RFPL4B: variants seen among roughly 807,000 people sequenced by gnomAD.
RFPL4B encodes ret finger protein-like 4B.
For synonymous variants in RFPL4B, 118 were observed against 126.3 expected, an observed-to-expected ratio of 0.93 and a Z score of 0.44; for missense variants, 314 against 327.7, an observed-to-expected ratio of 0.96 and a Z score of 0.32.
Position 112,349,789 on chromosome 6 carries a change from A to T in RFPL4B, c.81A>T (p.Thr27=). ...FFSCSISLSC[T]HVFCFDCIQR... ...CCTGTTCCATTTCTCTCTCTTGTAC[A>T]CACGTGTTCTGCTTTGATTGCATCC... Residue 27 remains threonine, a synonymous_variant, in exon 3 of 3, where the codon ACA becomes ACT. Coordinates refer to ENST00000441065, the MANE Select transcript of RFPL4B (RefSeq NM_001013734.3). 6.2e-7 allele frequency: 1 copy of T among 1,614,028 alleles called. No individual in the cohort carries two copies. Among genetic ancestry groups the T allele is most frequent in the Non-Finnish European group, 8.5e-7 (1 of 1,179,986 alleles).
At position 112,350,807 on chromosome 6, in the gene RFPL4B, G is replaced by A. The variant is rs1397045181; in HGVS notation, c.*307G>A. 3.4e-5 allele frequency: 9 copies of A among 265,412 alleles called. No homozygotes were observed. The highest frequency in any genetic ancestry group is 7.7e-6 in the Non-Finnish European group (1 of 130,282). 16.4% of individuals were successfully genotyped at this position (265,412 alleles called of 1,614,324 possible). A position where few individuals can be genotyped will look rare whatever the true frequency, so the allele number is the denominator to read the frequency against. ...CTGTGGTAATTAGAGACAATACTAT[G>A]CCTTTGTCTTATAGTAAATAACAAA... On this transcript the variant is annotated 3_prime_UTR_variant, in exon 3 of 3. Transcript: ENST00000441065.
intron 1 of RFPL4B, among the ~76,000 whole-genome samples, 195 bp downstream of exon 1, chr6:112,347,602 T>G (rs1789097776): frequency 1.3e-5 from 2 of 152,266 alleles, no homozygotes; most frequent in Admixed American, 1.3e-4. Context: ...AGGTCACTCT[T>G]TGCATGAACT....
In RFPL4B at chr6:112,350,029, C is replaced by G. The variant is rs759491920; in HGVS notation, c.321C>G (p.Leu107=). Residue 107 remains leucine (L), a synonymous_variant, in exon 3 of 3, where the codon CTC becomes CTG. Coordinates refer to ENST00000441065, the MANE Select transcript of RFPL4B (RefSeq NM_001013734.3). ...VTLDAATASS[L]LVFSNDLRSA... ...TGGATGCAGCCACTGCCAGCTCCCTCCTTGTCTTCTCCAATGATCTAAGAA... is the reference window on the plus strand; with the variant it reads ...TGGATGCAGCCACTGCCAGCTCCCTGCTTGTCTTCTCCAATGATCTAAGAA... The G allele has an allele frequency of 6.2e-7, 1 of 1,614,202 alleles. No homozygotes were observed. Among genetic ancestry groups the G allele is most frequent in the East Asian group, 2.2e-5 (1 of 44,886 alleles).
Position 112,350,231 on chromosome 6 carries a change from T to C in RFPL4B, c.523T>C (p.Phe175Leu), listed in dbSNP as rs761548985. ...EPADRKSNDL[F>L]PEHGFWISMK... ...GGCTGACAGAAAGAGCAATGATTTA[T>C]TCCCTGAGCATGGCTTCTGGATCAG... is the stretch of plus-strand genomic sequence containing the variant. Residue 175 changes from phenylalanine (F) to leucine (L), a missense_variant, in exon 3 of 3, where the codon TTC (phenylalanine) becomes CTC (leucine). By Grantham distance (22) the Phe-to-Leu change is conservative (BLOSUM62 0). Coordinates refer to ENST00000441065, the MANE Select transcript of RFPL4B (RefSeq NM_001013734.3). 6 of 1,614,080 alleles carry C rather than the reference T, an allele frequency of 3.7e-6. No individual in the cohort carries two copies. In the African/African-American group the frequency reaches 6.7e-5, roughly 18 times the overall value.
chr6:112,350,756 C>G lies in RFPL4B; in HGVS notation c.*256C>G, dbSNP rs1028759768. The stretch of plus-strand genomic sequence containing the variant: ...GCTTCAGTTTTCTAGTCTGTAGATG[C>G]GGATAATTGTATCTCAGTCAAACAG... On this transcript the variant is annotated 3_prime_UTR_variant, in exon 3 of 3. Coordinates refer to ENST00000441065, the MANE Select transcript of RFPL4B (RefSeq NM_001013734.3). 2.6e-6 allele frequency: 1 copy of G among 379,728 alleles called. No individual in the cohort carries two copies. Among genetic ancestry groups the G allele is most frequent in the African/African-American group, 2.1e-5 (1 of 48,590 alleles). The allele number at this position is 379,728 out of a possible 1,614,324, so 23.5% of individuals were successfully genotyped here. A position where few individuals can be genotyped will look rare whatever the true frequency, so the allele number is the denominator to read the frequency against.
rs1315204871 is a variant in RFPL4B at position 112,349,871 on chromosome 6, G to T, written c.163G>T (p.Val55Leu). ...AGCGATGTGCCCCTTGTGTCGAGAC[G>T]TGGTGAAGGTACCTGCTTTGGAAGA... The part of the protein sequence containing the change: ...FRAMCPLCRD[V>L]VKVPALEEWQ... Residue 55 changes from valine to leucine, a missense_variant, in exon 3 of 3, where the codon GTG becomes TTG. By Grantham distance (32) the Val-to-Leu change is conservative (BLOSUM62 1). Transcript: ENST00000441065. 1 of 1,614,120 alleles carries T rather than the reference G, an allele frequency of 6.2e-7. No homozygotes were observed. The highest frequency in any genetic ancestry group is 8.5e-7 in the Non-Finnish European group (1 of 1,179,996).
In RFPL4B at chr6:112,350,200, G is replaced by A. The variant is rs1360674479; in HGVS notation, c.492G>A (p.Lys164=). 1 of 1,614,224 alleles carries A rather than the reference G, an allele frequency of 6.2e-7. No individual in the cohort carries two copies. The highest frequency in any genetic ancestry group is 1.7e-5 in the Admixed American group (1 of 60,026). The change falls in exon 3 of 3, where the codon AAG becomes AAA. Residue 164 remains lysine, a synonymous_variant. Coordinates refer to ENST00000441065, the MANE Select transcript of RFPL4B (RefSeq NM_001013734.3). ...AGTCATGGTCCCTGGGCGTCTGCAA[G>A]GAGCCGGCTGACAGAAAGAGCAATG... ...EVKSWSLGVC[K]EPADRKSNDL... is the part of the protein sequence containing the mutation.
At position 112,349,330 on chromosome 6, in the gene RFPL4B, C is replaced by T. The variant is rs1459611990; in HGVS notation, c.-106+9C>T. The T allele has an allele frequency of 6.6e-6, 1 of 152,590 alleles. No individual in the cohort carries two copies. The highest frequency in any genetic ancestry group is 1.5e-5 in the Non-Finnish European group (1 of 68,378). 9.5% of individuals were successfully genotyped at this position (152,590 alleles called of 1,614,324 possible). A position where few individuals can be genotyped will look rare whatever the true frequency, so the allele number is the denominator to read the frequency against. Reference sequence around the variant, plus strand: ...GGAAGTCTTCAGACTAGGTAAGCTGCACTGTCTGAAAAGAAAGTTTCCACT... The same window carrying T: ...GGAAGTCTTCAGACTAGGTAAGCTGTACTGTCTGAAAAGAAAGTTTCCACT... On this transcript the variant is annotated intron_variant, in intron 2 of 2. Transcript: ENST00000441065.
intron 1 of RFPL4B, among the ~76,000 whole-genome samples, chr6:112,347,799 C>A (rs1412375517): frequency 6.6e-6 from 1 of 152,146 alleles, no homozygotes; most frequent in Admixed American, 6.5e-5. Context: ...CATGGTGAAA[C>A]CCCGTCTCTA....
intron 1 of RFPL4B, 94 bp downstream of exon 1, chr6:112,347,501 A>G (rs1789096380): frequency 6.6e-6 from 1 of 152,226 alleles, no homozygotes; most frequent in Non-Finnish European, 1.5e-5. Context: ...TATTTATTTT[A>G]GAGGAGAAAG....
rs1789136778 is a variant in RFPL4B at position 112,350,281 on chromosome 6, T to C, written c.573T>C (p.Ala191=). 9 of 1,614,244 alleles carry C rather than the reference T, an allele frequency of 5.6e-6. No individual in the cohort carries two copies. Among genetic ancestry groups the C allele is most frequent in the Non-Finnish European group, 7.6e-6 (9 of 1,180,038 alleles). ...GCATGAAGGCAGGAGCAATCCATGC[T>C]AACACCCACCTGGAGAGAATTCCTG... ...WISMKAGAIH[A]NTHLERIPAS... The change falls in exon 3 of 3, where the codon GCT becomes GCC. Residue 191 remains alanine, a synonymous_variant. Transcript: ENST00000441065.
At position 112,349,740 on chromosome 6, in the gene RFPL4B, G is replaced by A. The variant is rs755718094; in HGVS notation, c.32G>A (p.Cys11Tyr). The change falls in exon 3 of 3, where the codon TGT becomes TAT. Residue 11 changes from cysteine (C) to tyrosine (Y), a missense_variant. Coordinates refer to ENST00000441065, the MANE Select transcript of RFPL4B (RefSeq NM_001013734.3). The part of the protein sequence containing the change: MAKRLQAELS[C>Y]PVCLDFFSCS... ...AAACGCCTGCAAGCAGAGTTGTCCT[G>A]TCCAGTTTGCCTGGATTTTTTCTCC... 6.2e-7 allele frequency: 1 copy of A among 1,614,050 alleles called. No individual in the cohort carries two copies. Among genetic ancestry groups the A allele is most frequent in the Non-Finnish European group, 8.5e-7 (1 of 1,180,000 alleles).
At position 112,349,888 on chromosome 6, in the gene RFPL4B, T is replaced by G. The variant is rs1208516885; in HGVS notation, c.180T>G (p.Ala60=). ...PLCRDVVKVP[A]LEEWQVSVLT... ...GTCGAGACGTGGTGAAGGTACCTGC[T>G]TTGGAAGAATGGCAAGTGAGCGTCC... is the stretch of plus-strand genomic sequence containing the variant. The change falls in exon 3 of 3, where the codon GCT becomes GCG. Residue 60 remains alanine (A), a synonymous_variant. Coordinates refer to ENST00000441065, the MANE Select transcript of RFPL4B (RefSeq NM_001013734.3). The G allele has an allele frequency of 6.2e-7, 1 of 1,614,164 alleles. No individual in the cohort carries two copies. The highest frequency in any genetic ancestry group is 1.1e-5 in the South Asian group (1 of 91,072).
At position 112,350,118 on chromosome 6, in the gene RFPL4B, G is replaced by A. The variant is rs758926445; in HGVS notation, c.410G>A (p.Gly137Asp). Reference protein sequence around the residue: ...TKDPRLACVLGTPCFSSGQHY... With the variant: ...TKDPRLACVLDTPCFSSGQHY... ...GATCCCAGGCTGGCCTGTGTCCTGG[G>A]TACTCCCTGCTTCTCCTCCGGCCAA... Residue 137 changes from glycine to aspartate, a missense_variant, in exon 3 of 3, where the codon GGT (glycine) becomes GAT (aspartate). Gly to Asp is a moderately conservative substitution (Grantham distance 94, BLOSUM62 -1). Transcript: ENST00000441065. 11 of 1,614,058 alleles carry A rather than the reference G, an allele frequency of 6.8e-6. No individual in the cohort carries two copies. In the African/African-American group the frequency reaches 1.1e-4, roughly 16 times the overall value.
At chr6:112,348,638 G>T (rs566828362) in intron 1 of RFPL4B, among the ~76,000 whole-genome samples, 3 of 152,322 alleles carry the variant, frequency 2.0e-5, no homozygotes, top group East Asian at 3.9e-4. Context: ...ACTGCTCAGT[G>T]CAGGCTCTTA....
At chr6:112,348,923 T>C (rs1157960961) in intron 1 of RFPL4B, among the ~76,000 whole-genome samples, 2 of 152,248 alleles carry the variant, frequency 1.3e-5, no homozygotes, top group Non-Finnish European at 2.9e-5. Flanking sequence ...AGTTGATGAC[T>C]ATTATATTTT....
intron 1 of RFPL4B, among the ~76,000 whole-genome samples, chr6:112,348,022 G>A (rs1789105467): frequency 6.6e-6 from 1 of 151,984 alleles, no homozygotes; most frequent in African/African-American, 2.4e-5. Context: ...AATATACTTG[G>A]CCACTTTTAG....
At position 112,349,589 on chromosome 6, in the gene RFPL4B, T is replaced by C. The variant is rs1789123611; in HGVS notation, c.-105-15T>C. On this transcript the variant is annotated splice_polypyrimidine_tract_variant and intron_variant, in intron 2 of 2. Transcript: ENST00000441065. ...AACTTATTTATTAATTTATATTATTTAATCTTGGATTTAGACTATTGAAGA... is the reference window on the plus strand; with the variant it reads ...AACTTATTTATTAATTTATATTATTCAATCTTGGATTTAGACTATTGAAGA... The C allele has an allele frequency of 2.0e-6, 1 of 490,048 alleles. No homozygotes were observed. The allele number at this position is 490,048 out of a possible 1,614,324, so 30.4% of individuals were successfully genotyped here. A position where few individuals can be genotyped will look rare whatever the true frequency, so the allele number is the denominator to read the frequency against.
Position 112,350,215 on chromosome 6 carries a change from A to C in RFPL4B, c.507A>C (p.Arg169Ser). 6.2e-7 allele frequency: 1 copy of C among 1,614,200 alleles called. No individual in the cohort carries two copies. Among genetic ancestry groups the C allele is most frequent in the Admixed American group, 1.7e-5 (1 of 60,020 alleles). ...GCGTCTGCAAGGAGCCGGCTGACAGAAAGAGCAATGATTTATTCCCTGAGC... is the reference window on the plus strand; with the variant it reads ...GCGTCTGCAAGGAGCCGGCTGACAGCAAGAGCAATGATTTATTCCCTGAGC... ...SLGVCKEPAD[R>S]KSNDLFPEHG... Residue 169 changes from arginine to serine, a missense_variant, in exon 3 of 3, where the codon AGA becomes AGC. By Grantham distance (110) the Arg-to-Ser change is moderately radical. Transcript: ENST00000441065.
Sources: gnomAD v4.1 joint callset for allele counts (sites outside exome capture counted in the v4.1 genomes callset) on GRCh38, gnomAD v4.1.1 for gene constraint, MANE v1.5 for transcripts, NCBI Gene and HGNC (gene_info 2026-07-23, HGNC 2026-07-21) for gene names.